The following AP3S1 variants were observed in gnomAD, a reference collection of about 807,000 sequenced individuals.
AP3S1 encodes AP-3 complex subunit sigma-1.
Under a neutral mutation model 21.3 loss-of-function variants are expected in AP3S1, and 12 were observed. That is an observed-to-expected ratio of 0.56 (90% CI 0.36 to 0.91). The LOEUF (loss-of-function observed/expected upper bound fraction) is 0.91, where lower values mean the gene tolerates loss of function less well. Ranked by LOEUF, AP3S1 falls within the 40% of genes least tolerant of loss-of-function variation. The pLI is 0.01. For synonymous variants in AP3S1, 48 were observed against 78.4 expected (o/e 0.61, Z 2.05); for missense variants, 116 against 225.0 (o/e 0.52, Z 3.10).
chr5:115,866,618 GCTATTAAAC>G, intron 1 of AP3S1, 43 bp from the exon 2 acceptor site: 1 of 1,202,172 alleles, frequency 8.3e-7, no homozygotes, highest in Non-Finnish European at 1.1e-6. Context: ...TTCTTAAAAT[GCTATTAAAC>G]CTATACACTC....
chr5:115,844,152 G>C (rs1347345389), intron 1 of AP3S1, among the ~76,000 whole-genome samples: 1 of 152,150 alleles, frequency 6.6e-6, no homozygotes, highest in African/African-American at 2.4e-5. Context: ...TCCTCCACTA[G>C]ACCATAACCT....
chr5:115,908,844 T>G lies in AP3S1; in HGVS notation c.454-4518T>G, dbSNP rs768803956. Reference sequence around the variant, plus strand: ...TTATTCTACCTCGTGTTGAGGGATTTTTTAAACTATTGACATTTTCTTTTT... The same window carrying G: ...TTATTCTACCTCGTGTTGAGGGATTGTTTAAACTATTGACATTTTCTTTTT... On this transcript the variant is annotated intron_variant, in intron 5 of 5. Coordinates refer to ENST00000316788, the MANE Select transcript of AP3S1 (RefSeq NM_001284.4). 4 of 325,816 alleles carry G rather than the reference T, an allele frequency of 1.2e-5. No homozygotes were observed. The South Asian group carries it at 5.0e-4, about 41-fold the overall frequency. 20.2% of individuals were successfully genotyped at this position (325,816 alleles called of 1,614,324 possible).
intron 3 of AP3S1, among the ~76,000 whole-genome samples, chr5:115,873,366 A>G (rs1209073228): frequency 1.3e-5 from 2 of 152,220 alleles, no homozygotes; most frequent in Middle Eastern, 3.2e-3. Flanking sequence ...TTGATATTAG[A>G]TAACATACAG....
intron 4 of AP3S1, among the ~76,000 whole-genome samples, chr5:115,901,155 A>G (rs1464102325): frequency 2.0e-5 from 3 of 151,980 alleles, no homozygotes; most frequent in Non-Finnish European, 4.4e-5. Flanking sequence ...TCAATTCTTT[A>G]TTTTCTTGCA....
In AP3S1 at chr5:115,847,821, G is replaced by A. The variant is rs551533934; in HGVS notation, c.69+5715G>A. On this transcript the variant is annotated intron_variant, in intron 1 of 5. Coordinates refer to ENST00000316788, the MANE Select transcript of AP3S1 (RefSeq NM_001284.4). ...TTCTGAAATTTTAGATTGCTTCTGA[G>A]GTTGTTAATATCAGGAATAGTTCCT... Among the ~76,000 whole-genome samples the A allele has an allele frequency of 2.0e-5, 3 of 152,186 alleles. No homozygotes were observed. In the East Asian group the frequency reaches 5.8e-4, roughly 29 times the overall value.
chr5:115,874,012 T>A (rs1008669781), intron 3 of AP3S1, among the ~76,000 whole-genome samples: 1 of 152,164 alleles, frequency 6.6e-6, no homozygotes, highest in Non-Finnish European at 1.5e-5. Context: ...AATATGACTT[T>A]GTATCTGTAT....
intron 1 of AP3S1, among the ~76,000 whole-genome samples, chr5:115,858,152 T>C (rs1440184666): frequency 6.6e-6 from 1 of 152,184 alleles, no homozygotes; most frequent in African/African-American, 2.4e-5. Flanking sequence ...CTCCTATTGC[T>C]TCATTTCTTT....
chr5:115,862,284 A>T (rs576293740), intron 1 of AP3S1, among the ~76,000 whole-genome samples: 3 of 152,230 alleles, frequency 2.0e-5, no homozygotes, highest in African/African-American at 7.2e-5. Flanking sequence ...GATTTTTGAC[A>T]AATTGAAAAA....
chr5:115,871,852 G>A (rs1229718690), intron 3 of AP3S1, among the ~76,000 whole-genome samples: 2 of 152,016 alleles, frequency 1.3e-5, no homozygotes, highest in Non-Finnish European at 2.9e-5. Context: ...AAAATATCTA[G>A]CACTTCTAGC....
chr5:115,870,948 C>T (rs567046779), intron 3 of AP3S1, among the ~76,000 whole-genome samples: 23 of 152,282 alleles, frequency 1.5e-4, no homozygotes, highest in East Asian at 1.4e-3. Flanking sequence ...TTTGCTTGCA[C>T]GAATTCTCTA....
intron 5 of AP3S1, among the ~76,000 whole-genome samples, chr5:115,905,874 G>C (rs1443539669): frequency 6.6e-6 from 1 of 152,194 alleles, no homozygotes; most frequent in Non-Finnish European, 1.5e-5. Flanking sequence ...GACTTGTTTG[G>C]CTGGGCGCAG....
At chr5:115,889,121 G>C (rs1038768082) in intron 3 of AP3S1, among the ~76,000 whole-genome samples, 1 of 152,060 alleles carries the variant, frequency 6.6e-6, no homozygotes, top group African/African-American at 2.4e-5. Context: ...ATGCTATCAC[G>C]AACTTTTTTT....
intron 5 of AP3S1, chr5:115,909,089 G>GA (rs33934633): frequency 0.014 from 6,108 of 442,938 alleles, 4 homozygotes; most frequent in East Asian, 0.023. Flanking sequence ...ATTCAAACTT[G>GA]AAAAAAAAAA....
intron 1 of AP3S1, among the ~76,000 whole-genome samples, chr5:115,848,043 G>A (rs1160840922): frequency 6.6e-6 from 1 of 152,070 alleles, no homozygotes. Context: ...AGTCTTCAAA[G>A]TTAAAATGAT....
At chr5:115,866,945 T>G (rs1204161231) in intron 2 of AP3S1, among the ~76,000 whole-genome samples, 184 bp downstream of exon 2, 2 of 152,154 alleles carry the variant, frequency 1.3e-5, no homozygotes, top group Admixed American at 6.5e-5. Flanking sequence ...CAATCTTTTT[T>G]CCTCTTAAAA....
At chr5:115,903,649 A>G (rs1387774884) in intron 5 of AP3S1, 3 of 152,316 alleles carry the variant, frequency 2.0e-5, no homozygotes, top group Non-Finnish European at 4.4e-5. Flanking sequence ...CTGCTGTTAG[A>G]TTCAACCTTA....
At chr5:115,865,661 T>G (rs1291435351) in intron 1 of AP3S1, among the ~76,000 whole-genome samples, 1 of 152,212 alleles carries the variant, frequency 6.6e-6, no homozygotes. Flanking sequence ...GCTATCTCAT[T>G]GTTTTAATTT....
chr5:115,872,673 G>A (rs1482507226), intron 3 of AP3S1, among the ~76,000 whole-genome samples: 1 of 152,054 alleles, frequency 6.6e-6, no homozygotes, highest in African/African-American at 2.4e-5. Context: ...GCTGAGTTAT[G>A]TTTTGCTTTC....
chr5:115,853,770 A>G (rs1177750074), intron 1 of AP3S1, among the ~76,000 whole-genome samples: 1 of 152,086 alleles, frequency 6.6e-6, no homozygotes, highest in Non-Finnish European at 1.5e-5. Flanking sequence ...CCCAGATTTT[A>G]TCTTGTTCTT....
Sources: gnomAD v4.1 joint callset for allele counts (sites outside exome capture counted in the v4.1 genomes callset) on GRCh38, gnomAD v4.1.1 for gene constraint, MANE v1.5 for transcripts, NCBI Gene and HGNC (gene_info 2026-07-23, HGNC 2026-07-21) for gene names.